GLDC: variants seen among roughly 807,000 people sequenced by gnomAD.
GLDC encodes the protein glycine decarboxylase, also known as glycine dehydrogenase (decarboxylating), mitochondrial.
Under a neutral mutation model 121.3 loss-of-function variants are expected in GLDC, and 104 were observed. That is an observed-to-expected ratio of 0.86 (90% confidence interval 0.73 to 1.01). GLDC has a LOEUF of 1.01. GLDC is among the 50% of genes least tolerant of loss of function. GLDC has a pLI of 0.00. For missense variants in GLDC, 1,429 were observed against 1,306.6 expected, an observed-to-expected ratio of 1.09 and a Z score of -1.44; for synonymous variants, 546 against 480.6, an observed-to-expected ratio of 1.14 and a Z score of -1.78.
chr9:6,641,879 C>T lies in GLDC; in HGVS notation c.334+2735G>A, dbSNP rs1013615517. Among the ~76,000 whole-genome samples, 2 of 152,178 alleles carry T rather than the reference C, an allele frequency of 1.3e-5. 1 individual carries two copies. Among genetic ancestry groups the T allele is most frequent in the South Asian group, 4.1e-4 (2 of 4,830 alleles). On this transcript the variant is annotated intron_variant, in intron 2 of 24. Transcript: ENST00000321612. Reference sequence around the variant, plus strand: ...GCAAATAAATATTTAATCCAGAATTCCTTTCTGACTACACTAGAACACAGG... The same window carrying T: ...GCAAATAAATATTTAATCCAGAATTTCTTTCTGACTACACTAGAACACAGG...
intron 15 of GLDC, among the ~76,000 whole-genome samples, chr9:6,584,642 T>C (rs1230189986): frequency 6.6e-6 from 1 of 152,240 alleles, no homozygotes; most frequent in Non-Finnish European, 1.5e-5. Context: ...AGCATGGCCC[T>C]TGTACTTTCT....
chr9:6,556,407 G>C (rs1817632043), intron 17 of GLDC, 105 bp from the exon 18 acceptor site: 2 of 946,946 alleles, frequency 2.1e-6, no homozygotes, highest in South Asian at 1.3e-5. Context: ...TGAAGTCTCA[G>C]TCTTTACTTT....
rs1323794658 is a variant in GLDC at position 6,532,538 on chromosome 9, AGAG to A, written c.*476_*478del. The A allele has an allele frequency of 6.4e-6, 1 of 157,316 alleles. No individual in the cohort carries two copies. The highest frequency in any genetic ancestry group is 2.4e-5 in the African/African-American group (1 of 41,452). The allele number at this position is 157,316 out of a possible 1,614,324, so 9.7% of individuals were successfully genotyped here. A position where few individuals can be genotyped will look rare whatever the true frequency, so the allele number is the denominator to read the frequency against. On this transcript the variant is annotated 3_prime_UTR_variant, in exon 25 of 25. Transcript: ENST00000321612. ...AAAAAAAAAAACCTCACACAGAAAA[AGAG>A]GAGAACACTCAGAAATGTGATTACA...
At chr9:6,616,105 C>T (rs1386701377) in intron 3 of GLDC, among the ~76,000 whole-genome samples, 3 of 152,156 alleles carry the variant, frequency 2.0e-5, no homozygotes, top group African/African-American at 7.2e-5. Context: ...GGCTTAGGAT[C>T]AGTATTTTCA....
chr9:6,644,393 G>A, intron 2 of GLDC: 1 of 603,878 alleles, frequency 1.7e-6, no homozygotes, highest in Non-Finnish European at 2.9e-6. Context: ...TAAAGACCAA[G>A]AACCGCACAA....
At position 6,533,246 on chromosome 9, in the gene GLDC, A is replaced by G. The variant is rs1297899437; in HGVS notation, c.2920-86T>C. 3 of 1,044,184 alleles carry G rather than the reference A, an allele frequency of 2.9e-6. No homozygotes were observed. The South Asian group carries it at 3.8e-5, about 13-fold the overall frequency. 64.7% of individuals were successfully genotyped at this position (1,044,184 alleles called of 1,614,324 possible). On this transcript the variant is annotated intron_variant, in intron 24 of 24. Coordinates refer to ENST00000321612, the MANE Select transcript of GLDC (RefSeq NM_000170.3). ...AGGAGGTGGCAATGCTAGTCCCACA[A>G]CCTAAGACACCATCAGCCCAGCAAA...
intron 16 of GLDC, among the ~76,000 whole-genome samples, chr9:6,562,220 A>G (rs992235258): frequency 2.0e-5 from 3 of 152,202 alleles, no homozygotes; most frequent in African/African-American, 7.2e-5. Context: ...ATAAATTTGT[A>G]TTCTCCCAAA....
chr9:6,556,099 TCCA>T, intron 18 of GLDC, 51 bp downstream of exon 18: 2 of 1,496,050 alleles, frequency 1.3e-6, no homozygotes, highest in Admixed American at 3.5e-5. Context: ...TTTTTTTTTT[TCCA>T]CATATCCATT....
At chr9:6,537,131 A>G (rs1817144908) in intron 22 of GLDC, among the ~76,000 whole-genome samples, 1 of 151,930 alleles carries the variant, frequency 6.6e-6, no homozygotes, top group Non-Finnish European at 1.5e-5. Context: ...CCTGGGCTCA[A>G]GTGATCCTCC....
intron 11 of GLDC, among the ~76,000 whole-genome samples, chr9:6,590,404 C>A (rs1166219169): frequency 3.9e-5 from 6 of 152,020 alleles, no homozygotes; most frequent in Non-Finnish European, 8.8e-5. Flanking sequence ...AAATGTGATC[C>A]CCAGTGTTGA....
At chr9:6,551,096 A>G (rs771592300) in intron 20 of GLDC, among the ~76,000 whole-genome samples, 182 bp from the exon 21 acceptor site, 6 of 152,208 alleles carry the variant, frequency 3.9e-5, no homozygotes, top group Admixed American at 6.5e-5. Context: ...GTAAGCCTGT[A>G]ATACATTTTT....
At chr9:6,551,437 T>A (rs1587920713) in intron 20 of GLDC, among the ~76,000 whole-genome samples, 1 of 152,196 alleles carries the variant, frequency 6.6e-6, no homozygotes, top group East Asian at 1.9e-4. Flanking sequence ...GGGATACACA[T>A]CATCACTGCA....
chr9:6,608,033 G>A (rs1818771142), intron 4 of GLDC, among the ~76,000 whole-genome samples: 1 of 151,984 alleles, frequency 6.6e-6, no homozygotes. Flanking sequence ...TGAGGCAAGA[G>A]GATTACTTGA....
intron 21 of GLDC, among the ~76,000 whole-genome samples, chr9:6,542,984 CA>C (rs1817301237): frequency 6.7e-6 from 1 of 149,124 alleles, no homozygotes; most frequent in African/African-American, 2.5e-5. Flanking sequence ...GTGGAATGTT[CA>C]AGGGGAAAAT....
At chr9:6,540,304 A>G in intron 21 of GLDC, 158 bp from the exon 22 acceptor site, 1 of 661,470 alleles carries the variant, frequency 1.5e-6, no homozygotes, top group Non-Finnish European at 2.7e-6. Flanking sequence ...TATTGGCAAT[A>G]AAGGTTTCAT....
Position 6,565,393 on chromosome 9 carries a change from G to C in GLDC, c.1887C>G (p.Ile629Met), listed in dbSNP as rs1400097268. 2.5e-6 allele frequency: 4 copies of C among 1,613,776 alleles called. No individual in the cohort carries two copies. The highest frequency in any genetic ancestry group is 2.5e-6 in the Non-Finnish European group (3 of 1,179,792). The change falls in exon 16 of 25, where the codon ATC (isoleucine) becomes ATG (methionine). Residue 629 changes from isoleucine to methionine, a missense_variant. Ile to Met is a conservative substitution (Grantham distance 10). Transcript: ENST00000321612. Reference protein sequence around the residue: ...AQGEYAGLATIRAYLNQKGEG... With the variant: ...AQGEYAGLATMRAYLNQKGEG... ...CTCCTTTCTGGTTTAAGTAGGCTCG[G>C]ATAGTGGCCAGTCCAGCATATTCTC...
chr9:6,575,455 G>T (rs1486906944), intron 15 of GLDC, among the ~76,000 whole-genome samples: 1 of 152,136 alleles, frequency 6.6e-6, no homozygotes, highest in African/African-American at 2.4e-5. Flanking sequence ...AAATTCTGGG[G>T]CCCTACTCCA....
At chr9:6,557,331 C>T (rs946917562) in intron 17 of GLDC, among the ~76,000 whole-genome samples, 4 of 152,186 alleles carry the variant, frequency 2.6e-5, no homozygotes, top group Admixed American at 2.6e-4. Flanking sequence ...CGTGGTAGCT[C>T]ACGCCTGTAA....
chr9:6,592,826 T>TA, intron 10 of GLDC, 25 bp downstream of exon 10: 1 of 1,607,184 alleles, frequency 6.2e-7, no homozygotes, highest in South Asian at 1.1e-5. Context: ...GAAAAACTGG[T>TA]AAAAATACTG....
Sources: allele counts gnomAD v4.1 joint callset (sites outside exome capture counted in the v4.1 genomes callset), GRCh38; gene constraint gnomAD v4.1.1; transcripts MANE v1.5; gene names NCBI Gene and HGNC (gene_info 2026-07-23, HGNC 2026-07-21).